DCDC1: variants seen among roughly 807,000 people sequenced by gnomAD.
DCDC1 encodes doublecortin domain-containing protein 1.
In DCDC1, 200 loss-of-function variants were observed where a neutral mutation model predicts 178.3. The ratio of observed to expected loss-of-function variants is 1.12; its 90% CI spans 1.00 to 1.26. The LOEUF (loss-of-function observed/expected upper bound fraction) is 1.26. Among genes scored for constraint, DCDC1 ranks in the 50% most tolerant of loss-of-function variants. The pLI is 0.00. For missense variants in DCDC1, 1,983 were observed against 1,749.2 expected (o/e 1.13, Z -2.38); for synonymous variants, 690 against 604.8 (o/e 1.14, Z -2.07).
chr11:30,898,229 A>C (rs1944382889), intron 34 of DCDC1, among the ~76,000 whole-genome samples: 1 of 152,188 alleles, frequency 6.6e-6, no homozygotes, highest in African/African-American at 2.4e-5. Flanking sequence ...TTGTGCCTAG[A>C]GTATCATAAT....
At chr11:30,992,782 G>A (rs889658173) in intron 20 of DCDC1, 1 of 152,154 alleles carries the variant, frequency 6.6e-6, no homozygotes, top group Non-Finnish European at 1.5e-5. Flanking sequence ...ACAATGTGTA[G>A]TATTTCAGGA....
intron 21 of DCDC1, among the ~76,000 whole-genome samples, chr11:30,936,697 C>T (rs1161144403): frequency 6.6e-6 from 1 of 152,166 alleles, no homozygotes; most frequent in African/African-American, 2.4e-5. Flanking sequence ...TAAGCACATT[C>T]CTTTCCCTTT....
At chr11:31,293,727 T>G (rs2137431745) in intron 6 of DCDC1, among the ~76,000 whole-genome samples, 1 of 152,300 alleles carries the variant, frequency 6.6e-6, no homozygotes, top group Non-Finnish European at 1.5e-5. Context: ...TAGGTAATAT[T>G]ATTATCCTTA....
chr11:30,990,468 A>G (rs572342778), intron 20 of DCDC1, among the ~76,000 whole-genome samples: 1 of 152,294 alleles, frequency 6.6e-6, no homozygotes, highest in South Asian at 2.1e-4. Context: ...TTTCTTTATG[A>G]GTCGTGGGCT....
chr11:30,986,307 C>A (rs1205355160), intron 20 of DCDC1, among the ~76,000 whole-genome samples: 1 of 150,652 alleles, frequency 6.6e-6, no homozygotes, highest in African/African-American at 2.4e-5. Flanking sequence ...AAGGATTTTA[C>A]ATAATGACTT....
intron 20 of DCDC1, among the ~76,000 whole-genome samples, chr11:31,035,389 A>C (rs1197615982): frequency 6.6e-6 from 1 of 152,202 alleles, no homozygotes; most frequent in Admixed American, 6.5e-5. Flanking sequence ...ACGTCTCCTT[A>C]GTCTCCTCTG....
At chr11:31,124,525 TTCAAACTATAC>T (rs1211945345) in intron 11 of DCDC1, among the ~76,000 whole-genome samples, 9 of 152,280 alleles carry the variant, frequency 5.9e-5, no homozygotes, top group African/African-American at 1.7e-4. Context: ...GCTACCTGAC[TTCAAACTATAC>T]TACAAGGCTA....
intron 20 of DCDC1, among the ~76,000 whole-genome samples, chr11:30,955,535 A>G (rs1948721413): frequency 6.6e-6 from 1 of 152,030 alleles, no homozygotes; most frequent in Admixed American, 6.6e-5. Context: ...CATGAACACA[A>G]CCTCAAACTG....
At chr11:30,987,563 T>A (rs983572896) in intron 20 of DCDC1, among the ~76,000 whole-genome samples, 1 of 152,132 alleles carries the variant, frequency 6.6e-6, no homozygotes, top group Middle Eastern at 3.2e-3. Context: ...CTAATTTTTA[T>A]GGAGTCATCA....
intron 15 of DCDC1, among the ~76,000 whole-genome samples, chr11:31,095,586 A>G (rs534897778): frequency 6.6e-6 from 1 of 152,308 alleles, no homozygotes; most frequent in East Asian, 1.9e-4. Context: ...AGTTCACACA[A>G]TCTCCTAAGA....
intron 36 of DCDC1, among the ~76,000 whole-genome samples, chr11:30,888,639 C>T (rs1213003526): frequency 6.6e-6 from 1 of 152,168 alleles, no homozygotes; most frequent in Admixed American, 6.5e-5. Context: ...ATCGCTTGAA[C>T]CCAGGAGGCG....
At chr11:31,013,417 CAT>C (rs1392776596) in intron 20 of DCDC1, among the ~76,000 whole-genome samples, 3 of 152,130 alleles carry the variant, frequency 2.0e-5, no homozygotes. Flanking sequence ...TGTAACGCAA[CAT>C]GTCTACACAT....
intron 20 of DCDC1, among the ~76,000 whole-genome samples, chr11:31,053,380 C>T (rs1043423026): frequency 7.2e-5 from 11 of 152,128 alleles, no homozygotes; most frequent in Non-Finnish European, 1.5e-4. Flanking sequence ...GACGGATTCA[C>T]AGCAGAATTC....
In DCDC1 at chr11:30,888,050, GAAAGAAAGAA is replaced by G. The variant is rs1484137726; in HGVS notation, c.5082+4758_5082+4767del. 3.1e-3 allele frequency among the ~76,000 whole-genome samples: 227 copies of G among 73,970 alleles called. 1 individual carries two copies. Among genetic ancestry groups the G allele is most frequent in the Non-Finnish European group, 5.1e-3 (189 of 37,186 alleles). The allele number at this position is 73,970 out of a possible 152,430, so 48.5% of individuals were successfully genotyped here. On this transcript the variant is annotated intron_variant, in intron 36 of 38. Coordinates refer to ENST00000684477, the MANE Select transcript of DCDC1 (RefSeq NM_001387274.1). ...AGAGAGAGAGAAAGAAAGAAAGAAA[GAAAGAAAGAA>G]AGAGAGAGAGAGAGAGAGAGAGAGA...
chr11:30,886,754 A>ATT (rs375569160), intron 36 of DCDC1, among the ~76,000 whole-genome samples: 1 of 147,044 alleles, frequency 6.8e-6, no homozygotes, highest in African/African-American at 2.5e-5. Flanking sequence ...AGCAGTCACT[A>ATT]TTTTTTTTTT....
chr11:31,327,264 G>A (rs1427353449), intron 3 of DCDC1, among the ~76,000 whole-genome samples: 1 of 152,112 alleles, frequency 6.6e-6, no homozygotes, highest in African/African-American at 2.4e-5. Context: ...CAGCTCCCGG[G>A]TTCAAGCGAT....
intron 36 of DCDC1, among the ~76,000 whole-genome samples, chr11:30,890,548 C>A (rs1943679256): frequency 6.6e-6 from 1 of 152,168 alleles, no homozygotes; most frequent in Admixed American, 6.5e-5. Flanking sequence ...TTACATTTAT[C>A]ACATTCTATT....
rs1275176366 is a variant in DCDC1, at chr11:30,915,653, C to T, written c.3511G>A (p.Asp1171Asn). 2 of 1,613,846 alleles carry T rather than the reference C, an allele frequency of 1.2e-6. No homozygotes were observed. Among genetic ancestry groups the T allele is most frequent in the Non-Finnish European group, 1.7e-6 (2 of 1,179,870 alleles). Residue 1171 changes from aspartate to asparagine, a missense_variant, in exon 27 of 39, where the codon GAT becomes AAT. By Grantham distance (23) the Asp-to-Asn change is conservative. Coordinates refer to ENST00000684477, the MANE Select transcript of DCDC1 (RefSeq NM_001387274.1). ...GCAGCATGGCTTATAATCTGCCCAT[C>T]TCTGTATTCGAACTGCTGATGACAA... ...KHCHQQFEYRDGQIISHAAPQ... is the reference protein window; with the variant it reads ...KHCHQQFEYRNGQIISHAAPQ...
At chr11:30,965,613 T>A (rs1949383900) in intron 20 of DCDC1, among the ~76,000 whole-genome samples, 1 of 151,500 alleles carries the variant, frequency 6.6e-6, no homozygotes, top group African/African-American at 2.4e-5. Context: ...AATTTTTTTT[T>A]ATTATACTCT....
Sources: gnomAD v4.1 joint callset for allele counts (sites outside exome capture counted in the v4.1 genomes callset) on GRCh38, gnomAD v4.1.1 for gene constraint, MANE v1.5 for transcripts, NCBI Gene and HGNC (gene_info 2026-07-23, HGNC 2026-07-21) for gene names.